PSD2: variants seen among roughly 807,000 people sequenced by gnomAD.
PSD2 encodes the protein PH and SEC7 domain-containing protein 2.
In PSD2, 38 loss-of-function variants were observed where a neutral mutation model predicts 69.8. That is an observed-to-expected ratio of 0.54 (90% CI 0.42 to 0.71). The LOEUF (loss-of-function observed/expected upper bound fraction) is 0.71. Ranked by LOEUF, PSD2 falls within the 30% of genes least tolerant of loss-of-function variation. PSD2 has a pLI of 0.00. For synonymous variants in PSD2, 412 were observed against 423.0 expected (o/e 0.97, Z 0.32); for missense variants, 943 against 1,014.5 (o/e 0.93, Z 0.96).
chr5:139,760,916 C>T, the PSD2 span, among the ~76,000 whole-genome samples: 3 of 152,172 alleles, frequency 2.0e-5, no homozygotes, highest in South Asian at 2.1e-4. Flanking sequence ...CAGCAGCCTG[C>T]CCCGGGGATC....
chr5:139,749,511 C>T, the PSD2 span, among the ~76,000 whole-genome samples: 2 of 152,226 alleles, frequency 1.3e-5, no homozygotes, highest in Admixed American at 1.3e-4. Flanking sequence ...TGGATCCTCC[C>T]CAGAATCCTG....
At chr5:139,757,811 G>C in the PSD2 span, among the ~76,000 whole-genome samples, 6,295 of 152,238 alleles carry the variant, frequency 0.041, 442 homozygotes, top group African/African-American at 0.14. Context: ...TCTGGGGCCT[G>C]TCAAGTTGGG....
chr5:139,776,367 G>A, the PSD2 span, among the ~76,000 whole-genome samples: 1 of 152,226 alleles, frequency 6.6e-6, no homozygotes, highest in Non-Finnish European at 1.5e-5. Flanking sequence ...AAAAATCATG[G>A]GTAATTTCAG....
intron 7 of PSD2, among the ~76,000 whole-genome samples, chr5:139,830,508 G>A (rs1760547228): frequency 7.6e-6 from 1 of 131,962 alleles, no homozygotes; most frequent in Non-Finnish European, 1.6e-5. Context: ...GTGCCATCAT[G>A]CCCAGCTAAT....
In PSD2 at chr5:139,817,523, C is replaced by G; in HGVS notation, c.1059C>G (p.Phe353Leu). The stretch of plus-strand genomic sequence containing the variant: ...TGGTGGCCGGGGAGTACCTCAGTTT[C>G]TTCGACTTCTCGGGCTTGACTCTGG... ...SRLVAGEYLS[F>L]FDFSGLTLDG... is the part of the protein sequence containing the mutation. The change falls in exon 5 of 15, where the codon TTC (phenylalanine) becomes TTG (leucine). Residue 353 changes from phenylalanine to leucine, a missense_variant. This residue lies in a region of PSD2 where 312 missense variants were observed against 400.7 expected (regional missense o/e 0.78). Coordinates refer to ENST00000274710, the MANE Select transcript of PSD2 (RefSeq NM_032289.4). 6.2e-7 allele frequency: 1 copy of G among 1,614,192 alleles called. No homozygotes were observed. The highest frequency in any genetic ancestry group is 1.1e-5 in the South Asian group (1 of 91,084).
intron 7 of PSD2, among the ~76,000 whole-genome samples, chr5:139,826,540 T>C (rs1760425165): frequency 6.6e-6 from 1 of 152,078 alleles, no homozygotes; most frequent in African/African-American, 2.4e-5. Flanking sequence ...GCTCTGGCAA[T>C]GAGAAGATGA....
upstream of PSD2, among the ~76,000 whole-genome samples, chr5:139,793,708 G>A (rs1278550011): frequency 6.6e-6 from 1 of 152,208 alleles, no homozygotes; most frequent in Non-Finnish European, 1.5e-5. Flanking sequence ...GGGGCTCAGA[G>A]TCCATCCAGT....
the PSD2 span, among the ~76,000 whole-genome samples, chr5:139,759,616 C>T: frequency 6.6e-6 from 1 of 152,212 alleles, no homozygotes; most frequent in African/African-American, 2.4e-5. Flanking sequence ...CTTCTGGAGA[C>T]GGCGATTAAT....
intron 7 of PSD2, among the ~76,000 whole-genome samples, chr5:139,833,173 G>A (rs1002968759): frequency 6.6e-6 from 1 of 152,152 alleles, no homozygotes; most frequent in African/African-American, 2.4e-5. Context: ...CTGGGTTCAA[G>A]TCCTGGTGTT....
At chr5:139,823,727 G>C (rs993362249) in intron 7 of PSD2, among the ~76,000 whole-genome samples, 5 of 152,308 alleles carry the variant, frequency 3.3e-5, no homozygotes, top group South Asian at 2.1e-4. Flanking sequence ...GGCAGGGTCT[G>C]GCACCTAGTA....
At chr5:139,752,817 T>C in the PSD2 span, among the ~76,000 whole-genome samples, 2 of 152,148 alleles carry the variant, frequency 1.3e-5, no homozygotes, top group African/African-American at 2.4e-5. Context: ...TTCTGCTGGG[T>C]GTGCACAACC....
the PSD2 span, among the ~76,000 whole-genome samples, chr5:139,787,400 G>A: frequency 6.6e-6 from 1 of 152,234 alleles, no homozygotes; most frequent in Non-Finnish European, 1.5e-5. Flanking sequence ...TCTGGGGTAA[G>A]TCACTGAACT....
chr5:139,800,599 C>A (rs1008687674), intron 1 of PSD2, among the ~76,000 whole-genome samples: 7 of 152,240 alleles, frequency 4.6e-5, no homozygotes, highest in Non-Finnish European at 7.3e-5. Context: ...TACCCTCACC[C>A]TCCGGCCTCT....
upstream of PSD2, among the ~76,000 whole-genome samples, chr5:139,792,437 C>A (rs1022380492): frequency 6.6e-6 from 1 of 152,150 alleles, no homozygotes; most frequent in African/African-American, 2.4e-5. Context: ...CCCCTCCCCC[C>A]ATAACTTTCA....
At position 139,838,690 on chromosome 5, in the gene PSD2, C is replaced by T. The variant is rs111259734; in HGVS notation, c.1886C>T (p.Ala629Val). The T allele has an allele frequency of 6.2e-7, 1 of 1,613,924 alleles. No individual in the cohort carries two copies. Among genetic ancestry groups the T allele is most frequent in the East Asian group, 2.2e-5 (1 of 44,894 alleles). The change falls in exon 13 of 15, where the codon GCC becomes GTC. Residue 629 changes from alanine (A) to valine (V), a missense_variant. Physicochemically the swap from Ala to Val is moderately conservative, Grantham distance 64. Around this residue, in one of 3 missense-constraint regions of PSD2, gnomAD observed 312 missense variants for 400.7 expected, o/e 0.78. Coordinates refer to ENST00000274710, the MANE Select transcript of PSD2 (RefSeq NM_032289.4). Reference sequence around the variant, plus strand: ...AACCTGGTGGCAGCCATCTTCTCTGCCCCGGCCTTCCCAGCCGCTGTCAGC... The same window carrying T: ...AACCTGGTGGCAGCCATCTTCTCTGTCCCGGCCTTCCCAGCCGCTGTCAGC... Reference protein sequence around the residue: ...RINLVAAIFSAPAFPAAVSSM... With the variant: ...RINLVAAIFSVPAFPAAVSSM...
chr5:139,801,487 A>T (rs1227418033), intron 1 of PSD2, among the ~76,000 whole-genome samples: 1 of 151,604 alleles, frequency 6.6e-6, no homozygotes. Context: ...TTTTCCTCCT[A>T]CCTTGTGGGT....
rs528365512 is a variant in PSD2 at position 139,824,250 on chromosome 5, C to T, written c.1269+1466C>T. On this transcript the variant is annotated intron_variant, in intron 7 of 14. Transcript: ENST00000274710. ...AGTGAACCCTGGGCCAAGAGCACCC[C>T]GCAGCTTGGTGGGCCTTAGCTGGCA... is the stretch of plus-strand genomic sequence containing the variant. Among the ~76,000 whole-genome samples the T allele has an allele frequency of 3.7e-4, 56 of 152,316 alleles. No individual in the cohort carries two copies. The East Asian group carries it at 9.1e-3, about 25-fold the overall frequency.
the PSD2 span, among the ~76,000 whole-genome samples, chr5:139,759,013 C>T: frequency 6.6e-6 from 1 of 152,068 alleles, no homozygotes; most frequent in Non-Finnish European, 1.5e-5. Flanking sequence ...AATGGATTCT[C>T]CTCCAGCTCA....
In PSD2 at chr5:139,813,560, A is replaced by G. The variant is rs750942552; in HGVS notation, c.623A>G (p.Asp208Gly). 21 of 1,611,688 alleles carry G rather than the reference A, an allele frequency of 1.3e-5. No homozygotes were observed. The highest frequency in any genetic ancestry group is 1.7e-5 in the Non-Finnish European group (20 of 1,178,290). The change falls in exon 3 of 15, where the codon GAC becomes GGC. Residue 208 changes from aspartate (D) to glycine (G), a missense_variant. Transcript: ENST00000274710. ...ATTGGGGACATGGCGTTTGAGGGGG[A>G]CATGGGGGCAGCTGGTGGTGATGGG... ...LGIGDMAFEG[D>G]MGAAGGDGEL...
Sources: allele counts gnomAD v4.1 joint callset (sites outside exome capture counted in the v4.1 genomes callset), GRCh38; gene constraint gnomAD v4.1.1; regional missense constraint gnomAD v4.1.1; transcripts MANE v1.5; gene names NCBI Gene and HGNC (gene_info 2026-07-23, HGNC 2026-07-21).